The following DRC8 variants were observed in gnomAD, a reference collection of about 807,000 sequenced individuals.
DRC8 encodes dynein regulatory complex subunit 8.
At chr1:244,981,769 C>T in the DRC8 span, among the ~76,000 whole-genome samples, 2 of 152,126 alleles carry the variant, frequency 1.3e-5, no homozygotes, top group African/African-American at 2.4e-5. Context: ...TCCTAGGAAC[C>T]CCACGGGGTT....
the DRC8 span, chr1:245,082,157 A>G: frequency 1.2e-6 from 2 of 1,610,780 alleles, no homozygotes; most frequent in Admixed American, 3.3e-5. Flanking sequence ...TACTACTAGA[A>G]AGAAAGTAAG....
the DRC8 span, among the ~76,000 whole-genome samples, chr1:245,111,244 G>T: frequency 6.6e-6 from 1 of 152,262 alleles, no homozygotes; most frequent in East Asian, 1.9e-4. Flanking sequence ...GTCTGCACTC[G>T]TGGGCACTGA....
chr1:244,994,975 A>G, the DRC8 span, among the ~76,000 whole-genome samples: 4 of 152,294 alleles, frequency 2.6e-5, no homozygotes, highest in South Asian at 8.3e-4. Context: ...GGGAATTTTC[A>G]CAACTAGCAA....
chr1:245,010,428 G>C, the DRC8 span, among the ~76,000 whole-genome samples: 1 of 152,154 alleles, frequency 6.6e-6, no homozygotes, highest in African/African-American at 2.4e-5. Context: ...AAGACCACAT[G>C]ATATGTCACA....
chr1:245,121,443 A>G, the DRC8 span, among the ~76,000 whole-genome samples: 3 of 152,218 alleles, frequency 2.0e-5, no homozygotes, highest in Non-Finnish European at 4.4e-5. Flanking sequence ...ATTTTCAGGC[A>G]GCCCCCTTCC....
chr1:244,970,576 G>A, the DRC8 span: 2 of 1,196,344 alleles, frequency 1.7e-6, no homozygotes, highest in Non-Finnish European at 1.1e-6. Context: ...GGCCTGAGGA[G>A]GGGGCCACCC....
the DRC8 span, among the ~76,000 whole-genome samples, chr1:245,120,991 A>G: frequency 6.6e-6 from 1 of 152,260 alleles, no homozygotes; most frequent in Non-Finnish European, 1.5e-5. Context: ...GGGTTTGTCA[A>G]GCATAGACTT....
the DRC8 span, among the ~76,000 whole-genome samples, chr1:244,975,520 A>G: frequency 7.9e-4 from 121 of 152,310 alleles, no homozygotes; most frequent in African/African-American, 2.7e-3. Context: ...AATGGGGACA[A>G]TGTTTTCTTA....
At chr1:245,043,112 A>G in the DRC8 span, among the ~76,000 whole-genome samples, 1 of 152,198 alleles carries the variant, frequency 6.6e-6, no homozygotes, top group Admixed American at 6.5e-5. Flanking sequence ...CTTCTTATCA[A>G]TATAAGACAT....
At chr1:245,040,721 C>T in the DRC8 span, among the ~76,000 whole-genome samples, 3,427 of 152,172 alleles carry the variant, frequency 0.023, 140 homozygotes, top group African/African-American at 0.078. Flanking sequence ...GCGGGAGGAT[C>T]GATTGAGCCC....
the DRC8 span, chr1:245,059,419 C>G: frequency 1.2e-6 from 2 of 1,611,952 alleles, no homozygotes; most frequent in Admixed American, 3.3e-5. Context: ...CATTAGGATG[C>G]TGTCCTACGG....
At chr1:244,970,206 T>A in the DRC8 span, 1 of 746,530 alleles carries the variant, frequency 1.3e-6, no homozygotes, top group Non-Finnish European at 2.4e-6. Flanking sequence ...GGGCCTCTGG[T>A]CTTCCCCCAG....
At chr1:245,017,566 A>C in the DRC8 span, among the ~76,000 whole-genome samples, 1 of 151,334 alleles carries the variant, frequency 6.6e-6, no homozygotes, top group Non-Finnish European at 1.5e-5. Flanking sequence ...CCAACCTATA[A>C]TTGTAAACTC....
the DRC8 span, chr1:244,970,831 G>T: frequency 3.1e-6 from 1 of 317,748 alleles, no homozygotes; most frequent in Non-Finnish European, 5.8e-6. Flanking sequence ...GGGCTGCGCC[G>T]GAGGCGCCGG....
the DRC8 span, among the ~76,000 whole-genome samples, chr1:245,048,918 CCA>C: frequency 6.6e-6 from 1 of 151,888 alleles, no homozygotes; most frequent in East Asian, 1.9e-4. Context: ...TCCTCCCACC[CCA>C]GTTTCCCAAG....
chr1:244,990,923 T>A, the DRC8 span, among the ~76,000 whole-genome samples: 14,366 of 152,126 alleles, frequency 0.094, 857 homozygotes, highest in East Asian at 0.24. Context: ...AATTCTCCAG[T>A]TCCCTGTGGA....
chr1:245,078,599 T>C, the DRC8 span, among the ~76,000 whole-genome samples: 1 of 152,100 alleles, frequency 6.6e-6, no homozygotes, highest in Non-Finnish European at 1.5e-5. Context: ...AAATACTGCA[T>C]GATCTCTGTT....
the DRC8 span, among the ~76,000 whole-genome samples, chr1:244,988,959 A>C: frequency 2.0e-5 from 3 of 152,238 alleles, no homozygotes; most frequent in African/African-American, 7.2e-5. Context: ...ATATGTAAGA[A>C]TATGATCTTT....
chr1:245,039,172 T>C, the DRC8 span, among the ~76,000 whole-genome samples: 2 of 149,812 alleles, frequency 1.3e-5, no homozygotes, highest in South Asian at 2.1e-4. Context: ...AAGGAAAATG[T>C]GATATGTTTA....
Sources: allele counts gnomAD v4.1 joint callset (sites outside exome capture counted in the v4.1 genomes callset), GRCh38; gene constraint gnomAD v4.1.1; transcripts MANE v1.5; gene names NCBI Gene and HGNC (gene_info 2026-07-23, HGNC 2026-07-21).